The following NRG3 variants were observed in gnomAD, a reference collection of about 807,000 sequenced individuals.
NRG3 encodes neuregulin 3, also known as pro-neuregulin-3, membrane-bound isoform.
NRG3 carries 31 observed loss-of-function variants against 66.9 expected under a neutral mutation model. The ratio of observed to expected loss-of-function variants is 0.46; its 90% CI spans 0.35 to 0.63. NRG3 has a LOEUF of 0.63. Ranked by LOEUF, NRG3 falls within the 20% of genes least tolerant of loss-of-function variation. The pLI, the probability that NRG3 is intolerant of heterozygous loss-of-function variation, is 0.00. For missense variants in NRG3, 910 were observed against 878.9 expected (o/e 1.04, Z -0.45); for synonymous variants, 393 against 359.4 (o/e 1.09, Z -1.06).
chr10:82,150,528 C>CAAAAAAAAAAAA (rs1264827514), intron 1 of NRG3, among the ~76,000 whole-genome samples: 4 of 51,720 alleles, frequency 7.7e-5, no homozygotes, highest in Non-Finnish European at 1.1e-4. Context: ...AAAGAGCACA[C>CAAAAAAAAAAAA]ACAAAAAAAA....
chr10:82,122,398 G>C (rs2068147498), intron 1 of NRG3, among the ~76,000 whole-genome samples: 1 of 152,090 alleles, frequency 6.6e-6, no homozygotes, highest in African/African-American at 2.4e-5. Flanking sequence ...GCATGAGTTA[G>C]CATGACTCGG....
chr10:82,813,759 TG>T (rs566647911), intron 3 of NRG3, among the ~76,000 whole-genome samples: 123 of 152,340 alleles, frequency 8.1e-4, no homozygotes, highest in African/African-American at 2.8e-3. Context: ...CAGAATTTTG[TG>T]GTGGAGACCA....
intron 2 of NRG3, among the ~76,000 whole-genome samples, chr10:82,400,570 CTTT>C (rs59452570): frequency 2.9e-5 from 4 of 139,854 alleles, no homozygotes; most frequent in Admixed American, 7.2e-5. Flanking sequence ...GAGGCAGATT[CTTT>C]TTTTTTTTTT....
chr10:82,197,002 A>G (rs2074485444), intron 1 of NRG3, among the ~76,000 whole-genome samples: 1 of 152,198 alleles, frequency 6.6e-6, no homozygotes, highest in African/African-American at 2.4e-5. Flanking sequence ...GTAGAAATAG[A>G]AGCCAGAGGT....
intron 2 of NRG3, among the ~76,000 whole-genome samples, chr10:82,733,187 C>A (rs2134673795): frequency 6.6e-6 from 1 of 152,182 alleles, no homozygotes; most frequent in East Asian, 1.9e-4. Flanking sequence ...TATAAAGAGA[C>A]CAGGCACTAT....
intron 2 of NRG3, among the ~76,000 whole-genome samples, chr10:82,534,208 A>T (rs987217071): frequency 1.7e-4 from 25 of 150,936 alleles, no homozygotes; most frequent in African/African-American, 5.8e-4. Context: ...TACAAATTCA[A>T]TGCAATCTGC....
chr10:81,934,512 T>A (rs536253702), intron 1 of NRG3, among the ~76,000 whole-genome samples: 1 of 152,296 alleles, frequency 6.6e-6, no homozygotes, highest in South Asian at 2.1e-4. Flanking sequence ...CTCCTTGAGC[T>A]CATTTTATTG....
intron 1 of NRG3, among the ~76,000 whole-genome samples, chr10:82,262,369 C>T (rs903527156): frequency 1.3e-5 from 2 of 152,022 alleles, no homozygotes; most frequent in Admixed American, 6.6e-5. Flanking sequence ...CAAAAATGGC[C>T]GCATACAGGA....
At chr10:82,007,303 A>G (rs10748867) in intron 1 of NRG3, among the ~76,000 whole-genome samples, 94,029 of 149,438 alleles carry the variant, frequency 0.63, 29,766 homozygotes, top group African/African-American at 0.72. Context: ...TCCACCTCCC[A>G]GGTTCAGGTG....
intron 1 of NRG3, among the ~76,000 whole-genome samples, chr10:82,312,946 G>A (rs1454032435): frequency 6.6e-6 from 1 of 152,136 alleles, no homozygotes; most frequent in African/African-American, 2.4e-5. Flanking sequence ...GGAGGTCAAG[G>A]CAGACGGATC....
intron 1 of NRG3, among the ~76,000 whole-genome samples, chr10:82,297,637 T>C (rs936446712): frequency 6.6e-6 from 1 of 152,180 alleles, no homozygotes; most frequent in Non-Finnish European, 1.5e-5. Flanking sequence ...ATTTTATGCA[T>C]ATGAAATGAT....
At chr10:81,901,529 C>T (rs11191739) in intron 1 of NRG3, among the ~76,000 whole-genome samples, 11,383 of 151,916 alleles carry the variant, frequency 0.075, 586 homozygotes, top group South Asian at 0.19. Flanking sequence ...TTTGTCTGAG[C>T]GTGGTGGCAT....
chr10:82,277,147 G>A (rs1226938365), intron 1 of NRG3, among the ~76,000 whole-genome samples: 1 of 150,406 alleles, frequency 6.6e-6, no homozygotes, highest in African/African-American at 2.5e-5. Context: ...CATTTTCATT[G>A]CAATAATATT....
At chr10:82,297,006 G>T (rs959338384) in intron 1 of NRG3, among the ~76,000 whole-genome samples, 3 of 151,922 alleles carry the variant, frequency 2.0e-5, no homozygotes, top group African/African-American at 7.3e-5. Flanking sequence ...CCATTGTTTA[G>T]CTCCCATTTA....
intron 3 of NRG3, among the ~76,000 whole-genome samples, chr10:82,798,489 G>T (rs983915622): frequency 6.6e-6 from 1 of 152,090 alleles, no homozygotes; most frequent in Admixed American, 6.6e-5. Context: ...GAGCTAATTT[G>T]TAGGTTTACA....
chr10:82,311,153 T>C (rs1338236928), intron 1 of NRG3, among the ~76,000 whole-genome samples: 1 of 152,006 alleles, frequency 6.6e-6, no homozygotes, highest in Non-Finnish European at 1.5e-5. Flanking sequence ...TCTTTCTGGC[T>C]CCTCCGCTGG....
At chr10:82,930,014 A>C (rs1015389412) in intron 4 of NRG3, among the ~76,000 whole-genome samples, 1 of 152,212 alleles carries the variant, frequency 6.6e-6, no homozygotes, top group African/African-American at 2.4e-5. Flanking sequence ...AGCATCCAGA[A>C]TATCTGCCCA....
At chr10:82,800,763 A>G (rs753849191) in intron 3 of NRG3, among the ~76,000 whole-genome samples, 98 of 152,210 alleles carry the variant, frequency 6.4e-4, no homozygotes, top group Non-Finnish European at 1.2e-3. Flanking sequence ...ATGCTAGTGA[A>G]GGAGGCATTT....
At chr10:82,330,176 C>G (rs1362675873) in intron 1 of NRG3, among the ~76,000 whole-genome samples, 1 of 152,024 alleles carries the variant, frequency 6.6e-6, no homozygotes, top group Non-Finnish European at 1.5e-5. Flanking sequence ...GGCTAATATT[C>G]TTTTAAAAAT....
Sources: allele counts gnomAD v4.1 joint callset (sites outside exome capture counted in the v4.1 genomes callset), GRCh38; gene constraint gnomAD v4.1.1; transcripts MANE v1.5; gene names NCBI Gene and HGNC (gene_info 2026-07-23, HGNC 2026-07-21).